The following PDLIM5 variants were observed in gnomAD, a reference collection of about 807,000 sequenced individuals.
PDLIM5 encodes PDZ and LIM domain 5.
Under a neutral mutation model 64.2 loss-of-function variants are expected in PDLIM5, and 34 were observed. The ratio of observed to expected loss-of-function variants is 0.53; its 90% CI spans 0.40 to 0.71. The LOEUF is 0.71. Ranked by LOEUF, PDLIM5 falls within the 30% of genes least tolerant of loss-of-function variation. The pLI is 0.00. For missense variants in PDLIM5, 683 were observed against 733.6 expected (o/e 0.93, Z 0.80); for synonymous variants, 253 against 269.1 (o/e 0.94, Z 0.59).
chr4:94,468,626 A>G (rs113261598), intron 2 of PDLIM5, among the ~76,000 whole-genome samples: 1,805 of 152,314 alleles, frequency 0.012, 41 homozygotes, highest in African/African-American at 0.041. Flanking sequence ...TTTTAGGTGC[A>G]TATGTCTGTG....
At chr4:94,452,917 C>T (rs563123961) in intron 1 of PDLIM5, among the ~76,000 whole-genome samples, 3 of 152,206 alleles carry the variant, frequency 2.0e-5, no homozygotes, top group African/African-American at 7.2e-5. Context: ...GTGCCTGTGG[C>T]TTTAGTTCTT....
chr4:94,460,713 G>C (rs1024322366), intron 2 of PDLIM5, among the ~76,000 whole-genome samples: 4 of 151,950 alleles, frequency 2.6e-5, no homozygotes, highest in African/African-American at 9.7e-5. Flanking sequence ...TCGTGAGTTA[G>C]GTATATCTAC....
chr4:94,579,433 C>G (rs1038425375), intron 5 of PDLIM5: 23 of 552,658 alleles, frequency 4.2e-5, no homozygotes, highest in Non-Finnish European at 6.9e-5. Flanking sequence ...TCTAACAGCT[C>G]CTGTGTGATA....
intron 3 of PDLIM5, among the ~76,000 whole-genome samples, chr4:94,556,863 C>T (rs1344780148): frequency 2.0e-5 from 3 of 152,132 alleles, no homozygotes; most frequent in Non-Finnish European, 4.4e-5. Context: ...GTTGCCTGTT[C>T]ACTCTGATGG....
chr4:94,613,855 A>G (rs1056519224), intron 7 of PDLIM5, among the ~76,000 whole-genome samples: 1 of 152,236 alleles, frequency 6.6e-6, no homozygotes. Flanking sequence ...TTAAGTAACA[A>G]TGCTATACTA....
At chr4:94,626,148 C>A (rs1426318067) in intron 8 of PDLIM5, among the ~76,000 whole-genome samples, 1 of 152,074 alleles carries the variant, frequency 6.6e-6, no homozygotes, top group East Asian at 1.9e-4. Context: ...TTCTGTTGTA[C>A]CCCATCTGAG....
chr4:94,656,485 T>C (rs1477622295), intron 10 of PDLIM5, among the ~76,000 whole-genome samples: 1 of 151,782 alleles, frequency 6.6e-6, no homozygotes, highest in Non-Finnish European at 1.5e-5. Context: ...AGTGCCATCT[T>C]AGCTGATTTC....
chr4:94,579,477 A>G (rs3828518), intron 5 of PDLIM5: 200,641 of 1,066,360 alleles, frequency 0.19, 20,932 homozygotes, highest in African/African-American at 0.29. Flanking sequence ...GATTAAAAAA[A>G]AATGATGTGG....
chr4:94,589,111 C>T (rs1736475619), intron 7 of PDLIM5, among the ~76,000 whole-genome samples: 1 of 152,042 alleles, frequency 6.6e-6, no homozygotes, highest in Admixed American at 6.6e-5. Context: ...GTAATTCTTC[C>T]AGGATCCTAA....
At chr4:94,577,532 T>A (rs1490483073) in intron 5 of PDLIM5, 1 of 313,792 alleles carries the variant, frequency 3.2e-6, no homozygotes. Context: ...GTTTCTTTCA[T>A]GTGAGGAAGA....
chr4:94,542,489 GAGA>G (rs1560690325), intron 3 of PDLIM5, among the ~76,000 whole-genome samples: 1 of 152,090 alleles, frequency 6.6e-6, no homozygotes, highest in Non-Finnish European at 1.5e-5. Flanking sequence ...TAACCCTGCA[GAGA>G]AGGTTTCAGT....
chr4:94,555,885 ATTTATT>A (rs979542427), intron 3 of PDLIM5, among the ~76,000 whole-genome samples: 1 of 151,068 alleles, frequency 6.6e-6, no homozygotes, highest in Non-Finnish European at 1.5e-5. Context: ...AAGTTTATTT[ATTTATT>A]TTTATTTTTA....
chr4:94,494,432 GTTTTTTTTTTTT>G (rs61675663), intron 2 of PDLIM5, among the ~76,000 whole-genome samples: 5 of 70,770 alleles, frequency 7.1e-5, no homozygotes, highest in African/African-American at 1.3e-4. Context: ...TTTTTTTCTT[GTTTTTTTTTTTT>G]TTTTTTTTTT....
rs1743004518 is a variant in PDLIM5 at position 94,665,070 on chromosome 4, T to C, written c.*1003T>C. 1.0e-6 allele frequency: 1 copy of C among 973,470 alleles called. No homozygotes were observed. Among genetic ancestry groups the C allele is most frequent in the Non-Finnish European group, 1.2e-6 (1 of 818,976 alleles). 60.3% of individuals were successfully genotyped at this position (973,470 alleles called of 1,614,324 possible). A position where few individuals can be genotyped will look rare whatever the true frequency, so the allele number is the denominator to read the frequency against. ...TGCCTTTTACTAAAATGTGATTGTT[T>C]CTATTCATTGTGTATGCTTCATCAC... On this transcript the variant is annotated 3_prime_UTR_variant, in exon 13 of 13. Transcript: ENST00000317968.
At chr4:94,536,817 A>G (rs575217532) in intron 3 of PDLIM5, among the ~76,000 whole-genome samples, 1 of 152,330 alleles carries the variant, frequency 6.6e-6, no homozygotes, top group East Asian at 1.9e-4. Context: ...TTGAAATTCA[A>G]GTCATTCCCA....
At chr4:94,631,079 T>G (rs1469528579) in intron 8 of PDLIM5, among the ~76,000 whole-genome samples, 1 of 151,366 alleles carries the variant, frequency 6.6e-6, no homozygotes, top group Non-Finnish European at 1.5e-5. Flanking sequence ...TTTTTTTTTT[T>G]TTTGTAGAGA....
intron 2 of PDLIM5, among the ~76,000 whole-genome samples, chr4:94,483,322 A>T (rs1305783728): frequency 6.6e-6 from 1 of 152,198 alleles, no homozygotes; most frequent in African/African-American, 2.4e-5. Flanking sequence ...GGAAATTTTC[A>T]GCATTATATA....
rs572670687 is a variant in PDLIM5, at chr4:94,642,114, A to G, written c.1283+1664A>G. Among the ~76,000 whole-genome samples the G allele has an allele frequency of 1.1e-4, 17 of 152,318 alleles. No individual in the cohort carries two copies. In the South Asian group the frequency reaches 3.5e-3, roughly 32 times the overall value. On this transcript the variant is annotated intron_variant, in intron 9 of 12. Transcript: ENST00000317968. The stretch of plus-strand genomic sequence containing the variant: ...ATAGAAACAAACTCTGACTTGTAAC[A>G]TTGCTTCTGTAAGTTACAGTACTTT...
intron 5 of PDLIM5, chr4:94,582,984 T>C (rs1735858947): frequency 2.5e-6 from 1 of 393,270 alleles, no homozygotes; most frequent in Non-Finnish European, 4.5e-6. Context: ...ATGAGTATTA[T>C]GGACAGTGTA....
Sources: allele counts gnomAD v4.1 joint callset (sites outside exome capture counted in the v4.1 genomes callset), GRCh38; gene constraint gnomAD v4.1.1; transcripts MANE v1.5; gene names NCBI Gene and HGNC (gene_info 2026-07-23, HGNC 2026-07-21).